The following CSMD2 variants were observed in gnomAD, a reference collection of about 807,000 sequenced individuals.
CSMD2 encodes CUB and Sushi multiple domains 2.
A neutral mutation model predicts 398.5 loss-of-function variants in CSMD2; 130 were observed. The observed-to-expected ratio is 0.33, with a 90% CI of 0.28 to 0.38. The LOEUF is 0.38. CSMD2 is among the 10% of genes least tolerant of loss of function. The pLI, the probability that CSMD2 is intolerant of heterozygous loss-of-function variation, is 1.00. For missense variants in CSMD2, 3,829 were observed against 4,764.9 expected (o/e 0.80, Z 5.78); for synonymous variants, 1,828 against 1,908.5 (o/e 0.96, Z 1.10).
At chr1:33,882,757 A>G (rs753587414) in intron 5 of CSMD2, among the ~76,000 whole-genome samples, 8 of 152,206 alleles carry the variant, frequency 5.3e-5, no homozygotes, top group Non-Finnish European at 8.8e-5. Flanking sequence ...TTCAGGATCC[A>G]TAGTTTTCTC....
chr1:33,675,638 T>G (rs965758836), intron 25 of CSMD2, among the ~76,000 whole-genome samples: 20 of 152,314 alleles, frequency 1.3e-4, no homozygotes, highest in East Asian at 5.8e-4. Context: ...TACCAAAGCC[T>G]GGCAGAGACA....
chr1:33,676,710 T>C (rs1020404505), intron 25 of CSMD2, among the ~76,000 whole-genome samples: 2 of 152,150 alleles, frequency 1.3e-5, no homozygotes, highest in African/African-American at 4.8e-5. Context: ...CTTCAAACTA[T>C]ACTACAAGGC....
chr1:33,866,188 C>T (rs902797195), intron 5 of CSMD2, among the ~76,000 whole-genome samples: 1 of 152,158 alleles, frequency 6.6e-6, no homozygotes, highest in African/African-American at 2.4e-5. Context: ...TTTAGAAATT[C>T]AGGGTCTGGA....
intron 7 of CSMD2, among the ~76,000 whole-genome samples, chr1:33,823,120 C>T (rs896332460): frequency 4.6e-5 from 7 of 152,182 alleles, no homozygotes; most frequent in Non-Finnish European, 1.0e-4. Flanking sequence ...GCAAAGCCCA[C>T]CCGCCAAGCC....
chr1:34,140,140 CTGAGA>C (rs1639133438), intron 1 of CSMD2, among the ~76,000 whole-genome samples: 1 of 151,988 alleles, frequency 6.6e-6, no homozygotes, highest in African/African-American at 2.4e-5. Flanking sequence ...TCATGATCAA[CTGAGA>C]TAAGTTATCC....
Position 33,798,342 on chromosome 1 carries a change from G to C in CSMD2, c.1447-5816C>G, listed in dbSNP as rs1466607338. Among the ~76,000 whole-genome samples, 2 of 152,222 alleles carry C rather than the reference G, an allele frequency of 1.3e-5. 1 individual carries two copies. The highest frequency in any genetic ancestry group is 1.3e-4 in the Admixed American group (2 of 15,284). The stretch of plus-strand genomic sequence containing the variant: ...TTACTGAGCACCTGCCATGTGCCAA[G>C]CCCAGAGCTAGCTGCTTCCCATAAG... On this transcript the variant is annotated intron_variant, in intron 10 of 70. Transcript: ENST00000373381.
chr1:33,740,394 G>T (rs1435084594), intron 14 of CSMD2, among the ~76,000 whole-genome samples: 1 of 152,014 alleles, frequency 6.6e-6, no homozygotes, highest in African/African-American at 2.4e-5. Flanking sequence ...ATGGGTATGG[G>T]CCACTTGAAA....
rs556645795 is a variant in CSMD2, at chr1:34,156,494, C to T, written c.187+8417G>A. On this transcript the variant is annotated intron_variant, in intron 1 of 70. Coordinates refer to ENST00000373381, the MANE Select transcript of CSMD2 (RefSeq NM_001281956.2). Reference sequence around the variant, plus strand: ...TGCTTTTTCCCTTTACAGTTACATCCGTCACACTCACTTACTTTCAATCAA... The same window carrying T: ...TGCTTTTTCCCTTTACAGTTACATCTGTCACACTCACTTACTTTCAATCAA... 1.5e-4 allele frequency among the ~76,000 whole-genome samples: 23 copies of T among 152,268 alleles called. No individual in the cohort carries two copies. The South Asian group carries it at 3.7e-3, about 25-fold the overall frequency.
rs117616905 is a variant in CSMD2 at position 33,821,604 on chromosome 1, C to T, written c.1112-1048G>A. ...TGTCCCATAAGGTGAACAAAGCACT[C>T]CATTACTCACTCACCCACTTGCTCA... On this transcript the variant is annotated intron_variant, in intron 7 of 70. Transcript: ENST00000373381. 5.3e-5 allele frequency among the ~76,000 whole-genome samples: 8 copies of T among 152,312 alleles called. No homozygotes were observed. In the East Asian group the frequency reaches 1.5e-3, roughly 29 times the overall value.
At chr1:34,139,417 C>T (rs187221192) in intron 1 of CSMD2, among the ~76,000 whole-genome samples, 2 of 152,322 alleles carry the variant, frequency 1.3e-5, no homozygotes, top group East Asian at 3.9e-4. Flanking sequence ...TTGGACTTCT[C>T]AGCCTCCAGA....
At chr1:33,825,271 C>G (rs1658664007) in intron 7 of CSMD2, among the ~76,000 whole-genome samples, 1 of 152,208 alleles carries the variant, frequency 6.6e-6, no homozygotes, top group Non-Finnish European at 1.5e-5. Flanking sequence ...TCCCCTGCCT[C>G]CCTTTCCCAA....
intron 10 of CSMD2, among the ~76,000 whole-genome samples, chr1:33,808,288 T>C (rs114525654): frequency 1.3e-5 from 2 of 152,154 alleles, no homozygotes; most frequent in African/African-American, 4.8e-5. Context: ...GTAATGGACA[T>C]ATTAGAAAAC....
intron 3 of CSMD2, among the ~76,000 whole-genome samples, chr1:33,954,701 C>T (rs867032687): frequency 6.6e-6 from 1 of 152,062 alleles, no homozygotes; most frequent in Non-Finnish European, 1.5e-5. Context: ...TGAAATGAGC[C>T]AGTCACAAAA....
At chr1:33,588,161 T>A (rs188508639) in intron 44 of CSMD2, among the ~76,000 whole-genome samples, 160 of 152,326 alleles carry the variant, frequency 1.1e-3, no homozygotes, top group African/African-American at 3.7e-3. Context: ...TTATATGTTA[T>A]ATAGCTTGTG....
At chr1:34,089,275 A>G (rs1658278105) in intron 1 of CSMD2, 82 bp from the exon 2 acceptor site, 19 of 1,341,102 alleles carry the variant, frequency 1.4e-5, no homozygotes, top group Non-Finnish European at 2.0e-5. Context: ...ATGTGTTAGC[A>G]AATCATGAAC....
At chr1:33,895,740 G>A (rs1310505529) in intron 5 of CSMD2, among the ~76,000 whole-genome samples, 4 of 152,148 alleles carry the variant, frequency 2.6e-5, no homozygotes, top group South Asian at 4.1e-4. Context: ...CATCTCATCC[G>A]GGTCCCTAGG....
chr1:34,056,292 A>C (rs1243672253), intron 2 of CSMD2, among the ~76,000 whole-genome samples: 1 of 152,072 alleles, frequency 6.6e-6, no homozygotes, highest in Admixed American at 6.6e-5. Context: ...ACATCCCTCT[A>C]TGCTGCACTG....
chr1:34,001,313 A>G (rs1646894302), intron 3 of CSMD2, among the ~76,000 whole-genome samples: 1 of 152,252 alleles, frequency 6.6e-6, no homozygotes, highest in African/African-American at 2.4e-5. Flanking sequence ...TTTCAAGATC[A>G]AAAGAGCACA....
At chr1:34,153,533 T>C (rs1192834019) in intron 1 of CSMD2, among the ~76,000 whole-genome samples, 4 of 152,252 alleles carry the variant, frequency 2.6e-5, no homozygotes, top group African/African-American at 9.6e-5. Context: ...GCCTCTCTTA[T>C]GTACACTCAG....
Sources: allele counts gnomAD v4.1 joint callset (sites outside exome capture counted in the v4.1 genomes callset), GRCh38; gene constraint gnomAD v4.1.1; transcripts MANE v1.5; gene names NCBI Gene and HGNC (gene_info 2026-07-23, HGNC 2026-07-21).